The following AK4 variants were observed in gnomAD, a reference collection of about 807,000 sequenced individuals.
AK4 encodes adenylate kinase 4, also known as adenylate kinase 4, mitochondrial.
A neutral mutation model predicts 24.6 loss-of-function variants in AK4; 13 were observed. That is an observed-to-expected ratio of 0.53 (90% CI 0.34 to 0.84). The LOEUF (loss-of-function observed/expected upper bound fraction) is 0.84, where lower values mean the gene tolerates loss of function less well. Ranked by LOEUF, AK4 falls within the 40% of genes least tolerant of loss-of-function variation. The probability of loss-of-function intolerance (pLI) is 0.01; values close to 1 mark genes in which losing one functional copy is unlikely to be tolerated. For synonymous variants in AK4, 88 were observed against 107.0 expected (o/e 0.82, Z 1.10); for missense variants, 192 against 288.2 (o/e 0.67, Z 2.42).
chr1:65,152,378 A>T (rs1214416910), intron 1 of AK4, among the ~76,000 whole-genome samples: 6 of 58,202 alleles, frequency 1.0e-4, no homozygotes, highest in Non-Finnish European at 9.8e-5. Flanking sequence ...ATATATATAT[A>T]TATATATTTT....
Position 65,148,466 on chromosome 1 carries a change from C to T in AK4, c.59C>T (p.Thr20Ile). The change falls in exon 1 of 5, where the codon ACC becomes ATC. Residue 20 changes from threonine (T) to isoleucine (I), a missense_variant. Transcript: ENST00000327299. ...ILGPPGSGKG[T>I]VCQRIAQNFG... ...GGGCCGCCCGGCTCGGGCAAGGGCA[C>T]CGTGTGCCAGAGGATCGCCCAGAAC... is the stretch of plus-strand genomic sequence containing the variant. The T allele has an allele frequency of 6.3e-7, 1 of 1,575,956 alleles. No homozygotes were observed. Among genetic ancestry groups the T allele is most frequent in the Non-Finnish European group, 8.6e-7 (1 of 1,162,216 alleles).
chr1:65,183,127 A>G (rs1344696306), intron 1 of AK4, among the ~76,000 whole-genome samples: 2 of 152,240 alleles, frequency 1.3e-5, no homozygotes, highest in African/African-American at 4.8e-5. Flanking sequence ...TATTCAAACC[A>G]CAAAACTAAC....
rs1243569601 is a variant in AK4 at position 65,151,560 on chromosome 1, C to CT, written c.145+3011dup. 2.0e-5 allele frequency among the ~76,000 whole-genome samples: 3 copies of CT among 152,226 alleles called. No homozygotes were observed. The East Asian group carries it at 5.8e-4, about 29-fold the overall frequency. On this transcript the variant is annotated intron_variant, in intron 1 of 4. Transcript: ENST00000327299. ...CTGGCCCATTCTTGGGCCTTTTGTT[C>CT]TTTCTGCCTATACCATTGTACAATT... is the stretch of plus-strand genomic sequence containing the variant.
chr1:65,167,822 T>G (rs866984272), intron 1 of AK4, among the ~76,000 whole-genome samples: 1 of 152,184 alleles, frequency 6.6e-6, no homozygotes, highest in South Asian at 2.1e-4. Flanking sequence ...TTTCCCCTTA[T>G]ACTGAGATGA....
chr1:65,157,011 T>A (rs936553308), intron 1 of AK4, among the ~76,000 whole-genome samples: 5 of 152,166 alleles, frequency 3.3e-5, no homozygotes, highest in Non-Finnish European at 5.9e-5. Flanking sequence ...TGTTAACAGA[T>A]TTCTGTGAAA....
At chr1:65,198,261 C>G (rs1651547536) in intron 2 of AK4, among the ~76,000 whole-genome samples, 1 of 152,182 alleles carries the variant, frequency 6.6e-6, no homozygotes, top group Non-Finnish European at 1.5e-5. Context: ...ATTTGTGGAG[C>G]TCTACTAGGG....
intron 1 of AK4, among the ~76,000 whole-genome samples, chr1:65,180,462 G>GA (rs1485991071): frequency 6.6e-6 from 1 of 152,162 alleles, no homozygotes; most frequent in Non-Finnish European, 1.5e-5. Flanking sequence ...TTGAAAGGTG[G>GA]ATACTGGATG....
At chr1:65,201,815 ATT>A (rs1192836820) in intron 2 of AK4, among the ~76,000 whole-genome samples, 2 of 152,172 alleles carry the variant, frequency 1.3e-5, no homozygotes, top group African/African-American at 2.4e-5. Flanking sequence ...AATGAAGCAC[ATT>A]TTAGAGGGAG....
chr1:65,219,228 A>C (rs1322033861), intron 3 of AK4, among the ~76,000 whole-genome samples: 3 of 151,180 alleles, frequency 2.0e-5, no homozygotes, highest in Non-Finnish European at 4.4e-5. Context: ...TTTAAAAAAT[A>C]AAACTAAAAG....
chr1:65,219,961 G>T (rs776898681), intron 3 of AK4, among the ~76,000 whole-genome samples: 14 of 151,964 alleles, frequency 9.2e-5, no homozygotes, highest in Non-Finnish European at 1.6e-4. Context: ...TTATAATTTT[G>T]CCTTCTATAG....
At chr1:65,148,200 C>T (rs1319831565), upstream of AK4, 1 of 1,093,652 alleles carries the variant, frequency 9.1e-7, no homozygotes, top group Non-Finnish European at 1.2e-6. Context: ...TAGCGTGGCG[C>T]TCAGTCCGCC....
At chr1:65,180,726 G>A (rs1650873949) in intron 1 of AK4, among the ~76,000 whole-genome samples, 1 of 152,194 alleles carries the variant, frequency 6.6e-6, no homozygotes, top group African/African-American at 2.4e-5. Context: ...CAAGTGGGGA[G>A]ATAAAGAACT....
intron 2 of AK4, among the ~76,000 whole-genome samples, 179 bp from the exon 3 acceptor site, chr1:65,218,575 G>T (rs1404742368): frequency 1.3e-5 from 2 of 152,178 alleles, no homozygotes; most frequent in Admixed American, 1.3e-4. Context: ...GCAGGTTTGT[G>T]ACATGGATTT....
At chr1:65,204,191 T>C (rs1323924268) in intron 2 of AK4, among the ~76,000 whole-genome samples, 1 of 151,626 alleles carries the variant, frequency 6.6e-6, no homozygotes, top group Non-Finnish European at 1.5e-5. Flanking sequence ...AAAAAGTATT[T>C]AATCTTACTG....
intron 1 of AK4, among the ~76,000 whole-genome samples, chr1:65,151,472 C>T (rs546992276): frequency 6.6e-6 from 1 of 152,250 alleles, no homozygotes; most frequent in South Asian, 2.1e-4. Flanking sequence ...AGTGCCCAGG[C>T]TGGTCTCAAA....
At chr1:65,159,330 C>T (rs1650078901) in intron 1 of AK4, among the ~76,000 whole-genome samples, 1 of 152,190 alleles carries the variant, frequency 6.6e-6, no homozygotes, top group Admixed American at 6.6e-5. Context: ...ATATCATTTG[C>T]TTTACAAATA....
At chr1:65,202,370 C>T (rs148896820) in intron 2 of AK4, among the ~76,000 whole-genome samples, 8 of 152,200 alleles carry the variant, frequency 5.3e-5, no homozygotes, top group African/African-American at 1.9e-4. Context: ...GCACTCCAGC[C>T]TGGGCAACTG....
chr1:65,147,764 G>A (rs943925095), upstream of AK4: 2 of 152,490 alleles, frequency 1.3e-5, no homozygotes, highest in African/African-American at 2.4e-5. Context: ...CCGGGCGGAG[G>A]TGGGCCCCTC....
intron 1 of AK4, among the ~76,000 whole-genome samples, chr1:65,166,749 G>A (rs1483776759): frequency 6.6e-6 from 1 of 152,138 alleles, no homozygotes; most frequent in African/African-American, 2.4e-5. Flanking sequence ...TTGAACTCCT[G>A]GACTCAAGCA....
Sources: allele counts gnomAD v4.1 joint callset (sites outside exome capture counted in the v4.1 genomes callset), GRCh38; gene constraint gnomAD v4.1.1; transcripts MANE v1.5; gene names NCBI Gene and HGNC (gene_info 2026-07-23, HGNC 2026-07-21).